SLC44A5: variants seen among roughly 807,000 people sequenced by gnomAD.
SLC44A5 encodes the protein solute carrier family 44 member 5, also known as choline transporter-like protein 5.
Under a neutral mutation model 101.8 loss-of-function variants are expected in SLC44A5, and 57 were observed. The ratio of observed to expected loss-of-function variants is 0.56; its 90% CI spans 0.45 to 0.70. The LOEUF (loss-of-function observed/expected upper bound fraction) is 0.70, where lower values mean the gene tolerates loss of function less well. Ranked by LOEUF, SLC44A5 falls within the 30% of genes least tolerant of loss-of-function variation. The pLI, the probability that SLC44A5 is intolerant of heterozygous loss-of-function variation, is 0.00. For synonymous variants in SLC44A5, 281 were observed against 290.9 expected (o/e 0.97, Z 0.35); for missense variants, 737 against 853.1 (o/e 0.86, Z 1.70).
chr1:75,214,033 A>G, intron 20 of SLC44A5, 44 bp from the exon 21 acceptor site: 1 of 1,244,434 alleles, frequency 8.0e-7, no homozygotes, highest in Non-Finnish European at 1.1e-6. Context: ...TGTTTAAAAT[A>G]TACTTGGTAC....
the SLC44A5 span, among the ~76,000 whole-genome samples, chr1:75,676,984 A>C: frequency 6.6e-6 from 1 of 152,206 alleles, no homozygotes; most frequent in Non-Finnish European, 1.5e-5. Context: ...TGCTGGGAAA[A>C]AAAGTTTATC....
intron 3 of SLC44A5, among the ~76,000 whole-genome samples, chr1:75,352,064 T>C (rs1462109584): frequency 6.6e-6 from 1 of 152,008 alleles, no homozygotes; most frequent in Non-Finnish European, 1.5e-5. Context: ...AGGATTTCTT[T>C]GGAGTACTGA....
rs142134406 is a variant in SLC44A5 at position 75,523,567 on chromosome 1, C to A, written c.13+17868G>T. 9.2e-3 allele frequency among the ~76,000 whole-genome samples: 1,396 copies of A among 152,258 alleles called. 20 individuals carry two copies. The highest frequency in any genetic ancestry group is 0.032 in the African/African-American group (1,331 of 41,532). ...GAACTCCTGACCTCAGTTGATCCAC[C>A]CGCCTCGGCCTCCCAAAGTGTTGGG... is the stretch of plus-strand genomic sequence containing the variant. On this transcript the variant is annotated intron_variant, in intron 2 of 23. Coordinates refer to ENST00000370859, the MANE Select transcript of SLC44A5 (RefSeq NM_001130058.2).
At chr1:75,447,292 C>G (rs541255667) in intron 2 of SLC44A5, among the ~76,000 whole-genome samples, 22 of 152,230 alleles carry the variant, frequency 1.4e-4, no homozygotes, top group African/African-American at 5.1e-4. Context: ...TGATTTCTAT[C>G]TCTTTAAACT....
At chr1:75,327,372 C>T (rs781574258) in intron 4 of SLC44A5, among the ~76,000 whole-genome samples, 68 of 152,124 alleles carry the variant, frequency 4.5e-4, no homozygotes, top group Admixed American at 1.8e-3. Context: ...ATCTAAATGA[C>T]AATATGATAT....
rs901203217 is a variant in SLC44A5 at position 75,472,100 on chromosome 1, C to G, written c.13+69335G>C. Among the ~76,000 whole-genome samples, 4 of 135,240 alleles carry G rather than the reference C, an allele frequency of 3.0e-5. No homozygotes were observed. The East Asian group carries it at 6.5e-4, about 22-fold the overall frequency. The allele number at this position is 135,240 out of a possible 152,430, so 88.7% of individuals were successfully genotyped here. A position where few individuals can be genotyped will look rare whatever the true frequency, so the allele number is the denominator to read the frequency against. ...CCTGGGTTTAAAAAAAAAAAAAAAA[C>G]TACTGGGGCCTGGGTGTTTATTCTT... On this transcript the variant is annotated intron_variant, in intron 2 of 23. Transcript: ENST00000370859.
At chr1:75,246,198 T>G (rs1315418389) in intron 7 of SLC44A5, among the ~76,000 whole-genome samples, 2 of 152,132 alleles carry the variant, frequency 1.3e-5, no homozygotes, top group Non-Finnish European at 2.9e-5. Context: ...AATTGGAATT[T>G]GGTGGCTGGG....
At chr1:75,347,959 CT>C (rs1414112043) in intron 3 of SLC44A5, among the ~76,000 whole-genome samples, 1 of 152,166 alleles carries the variant, frequency 6.6e-6, no homozygotes, top group Middle Eastern at 3.4e-3. Flanking sequence ...CTGTTATATT[CT>C]GCATAGATTT....
upstream of SLC44A5, among the ~76,000 whole-genome samples, chr1:75,611,619 C>T (rs1249569844): frequency 5.3e-5 from 8 of 152,238 alleles, no homozygotes; most frequent in East Asian, 1.5e-3. Flanking sequence ...TAAGTAAAAT[C>T]AAAGAGACTT....
At chr1:75,641,338 G>C in the SLC44A5 span, 1 of 712,636 alleles carries the variant, frequency 1.4e-6, no homozygotes, top group South Asian at 1.6e-5. Flanking sequence ...AAAACATGAG[G>C]AATCTCTTAA....
chr1:75,216,055 A>G (rs1646955958), intron 18 of SLC44A5, among the ~76,000 whole-genome samples, 198 bp from the exon 19 acceptor site: 1 of 152,030 alleles, frequency 6.6e-6, no homozygotes, highest in Non-Finnish European at 1.5e-5. Flanking sequence ...TTGTACAACC[A>G]TCACTGCTGT....
intron 1 of SLC44A5, among the ~76,000 whole-genome samples, chr1:75,562,813 T>C (rs555343534): frequency 6.6e-6 from 1 of 152,314 alleles, no homozygotes; most frequent in African/African-American, 2.4e-5. Context: ...TCACTTATCT[T>C]TCTTAGTGGT....
At chr1:75,442,428 C>T (rs1665260874) in intron 2 of SLC44A5, among the ~76,000 whole-genome samples, 1 of 152,082 alleles carries the variant, frequency 6.6e-6, no homozygotes, top group Non-Finnish European at 1.5e-5. Flanking sequence ...CTTGACTAGG[C>T]CCTGATCTTA....
chr1:75,617,723 A>G, the SLC44A5 span, among the ~76,000 whole-genome samples: 51,057 of 151,986 alleles, frequency 0.34, 8,750 homozygotes, highest in African/African-American at 0.37. Context: ...CAGAAATAAG[A>G]CTGACTCAAA....
the SLC44A5 span, among the ~76,000 whole-genome samples, chr1:75,676,902 G>C: frequency 6.6e-6 from 1 of 152,164 alleles, no homozygotes; most frequent in Non-Finnish European, 1.5e-5. Context: ...ATATAAAATG[G>C]AGTATTTCTG....
rs576700411 is a variant in SLC44A5, at chr1:75,380,623, T to A, written c.52+15960A>T. Among the ~76,000 whole-genome samples, 263 of 82,380 alleles carry A rather than the reference T, an allele frequency of 3.2e-3. 118 individuals are homozygous for A. The highest frequency in any genetic ancestry group is 0.02 in the African/African-American group (258 of 12,618). 54.0% of individuals were successfully genotyped at this position (82,380 alleles called of 152,430 possible). On this transcript the variant is annotated intron_variant, in intron 3 of 23. Transcript: ENST00000370859. ...GTGGAAAGATAATAAAAATAAGACA[T>A]GGGAAATAGGTAAGGTGATAACGTG... is the stretch of plus-strand genomic sequence containing the variant.
chr1:75,456,332 C>T (rs1472536229), intron 2 of SLC44A5, among the ~76,000 whole-genome samples: 1 of 151,932 alleles, frequency 6.6e-6, no homozygotes, highest in Non-Finnish European at 1.5e-5. Flanking sequence ...CTGCAACAGT[C>T]AACATTGGGT....
chr1:75,450,926 G>A (rs145913278), intron 2 of SLC44A5, among the ~76,000 whole-genome samples: 216 of 152,286 alleles, frequency 1.4e-3, no homozygotes, highest in Non-Finnish European at 2.4e-3. Context: ...TCCTGACTTA[G>A]AGTGTGTTAC....
At chr1:75,475,881 T>C (rs191403803) in intron 2 of SLC44A5, among the ~76,000 whole-genome samples, 1 of 152,308 alleles carries the variant, frequency 6.6e-6, no homozygotes, top group East Asian at 1.9e-4. Flanking sequence ...AAAATGGAGA[T>C]AAAAACAACA....
Sources: allele counts gnomAD v4.1 joint callset (sites outside exome capture counted in the v4.1 genomes callset), GRCh38; gene constraint gnomAD v4.1.1; transcripts MANE v1.5; gene names NCBI Gene and HGNC (gene_info 2026-07-23, HGNC 2026-07-21).